Variants in EBF2 observed in about 807,000 individuals in gnomAD.
EBF2 encodes the protein EBF transcription factor 2.
In EBF2, 21 loss-of-function variants were observed where a neutral mutation model predicts 72.8. The ratio of observed to expected loss-of-function variants is 0.29; its 90% CI spans 0.20 to 0.42. The LOEUF is 0.42. EBF2 is among the 10% of genes least tolerant of loss of function. The pLI is 1.00. For synonymous variants in EBF2, 299 were observed against 274.2 expected (o/e 1.09, Z -0.89); for missense variants, 637 against 731.2 (o/e 0.87, Z 1.49).
intron 7 of EBF2, among the ~76,000 whole-genome samples, chr8:25,904,047 G>A (rs1451715538): frequency 6.6e-6 from 1 of 152,100 alleles, no homozygotes; most frequent in Non-Finnish European, 1.5e-5. Context: ...CACTGTTAAA[G>A]GTTACCTTAC....
intron 6 of EBF2, among the ~76,000 whole-genome samples, chr8:25,952,387 ATTAT>A (rs1803877798): frequency 1.3e-5 from 2 of 152,042 alleles, no homozygotes; most frequent in African/African-American, 4.8e-5. Flanking sequence ...CTATTTATAA[ATTAT>A]TTATTCATTT....
intron 15 of EBF2, among the ~76,000 whole-genome samples, chr8:25,845,339 TGCCTC>T (rs1563371083): frequency 1.1e-4 from 16 of 152,004 alleles, no homozygotes; most frequent in African/African-American, 3.9e-4. Flanking sequence ...GTGATTCTCC[TGCCTC>T]AGCCTCTGCC....
chr8:25,956,420 T>A lies in EBF2; in HGVS notation c.552-47865A>T, dbSNP rs934165053. ...AACTCCTTCTCAAAAAAAAAAAAAA[T>A]TATTATTATTATAATGAAGTATAAA... On this transcript the variant is annotated intron_variant, in intron 6 of 15. Coordinates refer to ENST00000520164, the MANE Select transcript of EBF2 (RefSeq NM_022659.4). 9.3e-5 allele frequency among the ~76,000 whole-genome samples: 14 copies of A among 151,198 alleles called. 1 individual carries two copies. Among genetic ancestry groups the A allele is most frequent in the South Asian group, 4.2e-4 (2 of 4,792 alleles).
intron 6 of EBF2, among the ~76,000 whole-genome samples, chr8:25,962,432 A>G (rs1804049529): frequency 6.6e-6 from 1 of 152,150 alleles, no homozygotes; most frequent in Non-Finnish European, 1.5e-5. Context: ...GATGGCTTCC[A>G]ACTTCCAACT....
intron 8 of EBF2, among the ~76,000 whole-genome samples, chr8:25,888,571 C>T (rs927968335): frequency 7.9e-5 from 12 of 152,132 alleles, no homozygotes; most frequent in African/African-American, 2.7e-4. Context: ...TGTTAATGGG[C>T]CAGAGAGAGA....
chr8:25,956,683 C>G (rs961413579), intron 6 of EBF2, among the ~76,000 whole-genome samples: 3 of 152,182 alleles, frequency 2.0e-5, no homozygotes, highest in Non-Finnish European at 2.9e-5. Flanking sequence ...GTATTTCTGA[C>G]CCAGAATCAG....
chr8:25,879,396 A>G (rs1802569823), intron 10 of EBF2, among the ~76,000 whole-genome samples: 1 of 152,214 alleles, frequency 6.6e-6, no homozygotes, highest in African/African-American at 2.4e-5. Context: ...ATTATTTCCT[A>G]GGCAGACATT....
chr8:25,964,501 C>A (rs867303485), intron 6 of EBF2, among the ~76,000 whole-genome samples: 1 of 152,130 alleles, frequency 6.6e-6, no homozygotes, highest in Non-Finnish European at 1.5e-5. Context: ...GTATCCTTCT[C>A]AATCTGGGTC....
At chr8:25,987,994 T>C (rs1206288338) in intron 6 of EBF2, among the ~76,000 whole-genome samples, 1 of 152,180 alleles carries the variant, frequency 6.6e-6, no homozygotes, top group African/African-American at 2.4e-5. Flanking sequence ...TTTCATAACA[T>C]AGGTGCATTC....
At chr8:25,961,707 G>A (rs1290782563) in intron 6 of EBF2, among the ~76,000 whole-genome samples, 1 of 152,154 alleles carries the variant, frequency 6.6e-6, no homozygotes, top group African/African-American at 2.4e-5. Context: ...CCAACTTGGA[G>A]ATGACTCCTC....
chr8:25,903,324 G>C lies in EBF2; in HGVS notation c.633+5150C>G, dbSNP rs553885022. ...GCTGGGATTACAGGCATGAGCCACT[G>C]TGCCTAGCACCCTGACATATTTTAA... On this transcript the variant is annotated intron_variant, in intron 7 of 15. Coordinates refer to ENST00000520164, the MANE Select transcript of EBF2 (RefSeq NM_022659.4). 1.2e-3 allele frequency among the ~76,000 whole-genome samples: 185 copies of C among 151,724 alleles called. 1 individual carries two copies. Among genetic ancestry groups the C allele is most frequent in the Admixed American group, 3.6e-3 (54 of 15,198 alleles).
intron 6 of EBF2, among the ~76,000 whole-genome samples, chr8:25,992,457 C>T (rs1380509243): frequency 6.6e-6 from 1 of 151,454 alleles, no homozygotes; most frequent in Non-Finnish European, 1.5e-5. Flanking sequence ...AACTGCACAA[C>T]GTGTCTCATG....
intron 14 of EBF2, 99 bp from the exon 15 acceptor site, chr8:25,850,860 T>C: frequency 7.4e-7 from 1 of 1,345,958 alleles, no homozygotes; most frequent in Non-Finnish European, 9.9e-7. Context: ...TTTCCATGCA[T>C]TGTTCCAGAT....
chr8:26,026,835 C>T (rs912485463), intron 6 of EBF2, among the ~76,000 whole-genome samples: 13 of 152,174 alleles, frequency 8.5e-5, no homozygotes, highest in African/African-American at 3.1e-4. Context: ...ATTCCAGTTT[C>T]ACAAGCAAAC....
chr8:25,933,959 G>A (rs1312766742), intron 6 of EBF2, among the ~76,000 whole-genome samples: 1 of 151,982 alleles, frequency 6.6e-6, no homozygotes, highest in African/African-American at 2.4e-5. Context: ...TACATTGTTT[G>A]GGTCAGAAGA....
chr8:25,945,973 G>A (rs1217907766), intron 6 of EBF2, among the ~76,000 whole-genome samples: 3 of 152,116 alleles, frequency 2.0e-5, no homozygotes, highest in African/African-American at 4.8e-5. Context: ...GACTCTCCAG[G>A]GTGGCAGAAC....
At chr8:25,860,219 C>T (rs1423986633) in intron 13 of EBF2, among the ~76,000 whole-genome samples, 1 of 152,128 alleles carries the variant, frequency 6.6e-6, no homozygotes, top group Non-Finnish European at 1.5e-5. Flanking sequence ...GTCTGCTTCA[C>T]ATGTAAAAGC....
chr8:25,933,026 T>G (rs1224107830), intron 6 of EBF2, among the ~76,000 whole-genome samples: 1 of 152,160 alleles, frequency 6.6e-6, no homozygotes, highest in East Asian at 1.9e-4. Flanking sequence ...GGGCAGCCCA[T>G]CAGTAGCACG....
chr8:25,895,927 G>GTA lies in EBF2; in HGVS notation c.634-6059_634-6058insTA, dbSNP rs1802857760. On this transcript the variant is annotated intron_variant, in intron 7 of 15. Coordinates refer to ENST00000520164, the MANE Select transcript of EBF2 (RefSeq NM_022659.4). ...TTTTTGGAACACCGTGTGTGTATGTGTGTGTGTGTGTGTGTGTGTGTGTGT... is the reference window on the plus strand; with the variant it reads ...TTTTTGGAACACCGTGTGTGTATGTGTATGTGTGTGTGTGTGTGTGTGTGTGT... 1.1e-4 allele frequency among the ~76,000 whole-genome samples: 3 copies of GTA among 28,284 alleles called. No homozygotes were observed. The South Asian group carries it at 2.0e-3, about 19-fold the overall frequency. 18.6% of individuals were successfully genotyped at this position (28,284 alleles called of 152,430 possible).
Sources: gnomAD v4.1 joint callset for allele counts (sites outside exome capture counted in the v4.1 genomes callset) on GRCh38, gnomAD v4.1.1 for gene constraint, MANE v1.5 for transcripts, NCBI Gene and HGNC (gene_info 2026-07-23, HGNC 2026-07-21) for gene names.